ANTXR1: variants seen among roughly 807,000 people sequenced by gnomAD.
The protein encoded by ANTXR1 is ANTXR cell adhesion molecule 1.
In ANTXR1, 19 loss-of-function variants were observed where a neutral mutation model predicts 78.1. That is an observed-to-expected ratio of 0.24 (90% CI 0.17 to 0.36). The LOEUF (loss-of-function observed/expected upper bound fraction) is 0.36, where lower values mean the gene tolerates loss of function less well. Among genes scored for constraint, ANTXR1 ranks in the 10% least tolerant of loss-of-function variants. The probability of loss-of-function intolerance (pLI) is 1.00; values close to 1 mark genes in which losing one functional copy is unlikely to be tolerated. For synonymous variants in ANTXR1, 273 were observed against 260.5 expected, an observed-to-expected ratio of 1.05 and a Z score of -0.46; for missense variants, 518 against 718.6, an observed-to-expected ratio of 0.72 and a Z score of 3.19.
chr2:69,163,242 TG>T (rs993094471), intron 13 of ANTXR1, among the ~76,000 whole-genome samples: 2 of 152,116 alleles, frequency 1.3e-5, no homozygotes, highest in Non-Finnish European at 2.9e-5. Context: ...CTCAGCGTCT[TG>T]TTATTCCTTC....
chr2:69,085,953 T>C (rs1671036010), intron 8 of ANTXR1, among the ~76,000 whole-genome samples: 1 of 152,230 alleles, frequency 6.6e-6, no homozygotes, highest in Non-Finnish European at 1.5e-5. Flanking sequence ...GACACCAGCA[T>C]ACTTCAAACC....
chr2:69,111,076 C>T (rs1671965302), intron 10 of ANTXR1, among the ~76,000 whole-genome samples: 1 of 152,100 alleles, frequency 6.6e-6, no homozygotes, highest in Non-Finnish European at 1.5e-5. Context: ...AGAAAAGAAC[C>T]CACAAAATTG....
intron 17 of ANTXR1, among the ~76,000 whole-genome samples, chr2:69,195,362 C>T (rs999666107): frequency 6.6e-6 from 1 of 151,978 alleles, no homozygotes; most frequent in Non-Finnish European, 1.5e-5. Flanking sequence ...AGAGCAGAGC[C>T]CAATAGACAG....
intron 12 of ANTXR1, among the ~76,000 whole-genome samples, chr2:69,130,572 G>C (rs1307987633): frequency 6.6e-6 from 1 of 152,120 alleles, no homozygotes; most frequent in Non-Finnish European, 1.5e-5. Flanking sequence ...GGGTGATCCT[G>C]GACAGGTTTA....
At chr2:69,105,192 G>A (rs1387640128) in intron 10 of ANTXR1, among the ~76,000 whole-genome samples, 3 of 152,186 alleles carry the variant, frequency 2.0e-5, no homozygotes. Context: ...TCTTTCTTGG[G>A]AAACCAGTCC....
intron 1 of ANTXR1, among the ~76,000 whole-genome samples, chr2:69,019,523 C>T (rs574138253): frequency 6.4e-4 from 98 of 152,074 alleles, no homozygotes; most frequent in African/African-American, 2.3e-3. Flanking sequence ...TCATTTCATA[C>T]TCTAATTTCT....
chr2:69,201,373 AGAG>A (rs1052036558), intron 17 of ANTXR1, among the ~76,000 whole-genome samples: 3 of 152,138 alleles, frequency 2.0e-5, no homozygotes, highest in African/African-American at 7.2e-5. Context: ...AGCAGGGTAC[AGAG>A]GAGGACAGAG....
chr2:69,036,295 C>A (rs1669420416), intron 1 of ANTXR1, among the ~76,000 whole-genome samples: 1 of 152,142 alleles, frequency 6.6e-6, no homozygotes, highest in Non-Finnish European at 1.5e-5. Context: ...TACAGGCATG[C>A]AATGTGAAAT....
chr2:69,101,431 C>T (rs1671616244), intron 9 of ANTXR1, among the ~76,000 whole-genome samples: 1 of 152,196 alleles, frequency 6.6e-6, no homozygotes, highest in Non-Finnish European at 1.5e-5. Context: ...TGATCTTGGA[C>T]ACATTACTTA....
intron 17 of ANTXR1, among the ~76,000 whole-genome samples, chr2:69,228,459 T>C (rs192684704): frequency 7.9e-5 from 12 of 152,336 alleles, no homozygotes; most frequent in African/African-American, 2.4e-4. Context: ...AGAAAGAGCA[T>C]AGAGTCTAAA....
intron 1 of ANTXR1, among the ~76,000 whole-genome samples, chr2:69,014,868 A>C (rs1670975044): frequency 6.6e-6 from 1 of 152,162 alleles, no homozygotes; most frequent in African/African-American, 2.4e-5. Flanking sequence ...TTTGGATGAA[A>C]AGTGAGATTT....
rs59147668 is a variant in ANTXR1 at position 69,151,186 on chromosome 2, C to CTTTTTTTTTTTTTT, written c.952-973_952-960dup. ...CTGTACAAACATATCTGATTATTTTCTTTTTTTTTTTTTTTTTTTTTTTGA... is the reference window on the plus strand; with the variant it reads ...CTGTACAAACATATCTGATTATTTTCTTTTTTTTTTTTTTTTTTTTTTTTTTTTTTTTTTTTTGA... On this transcript the variant is annotated intron_variant, in intron 12 of 17. Transcript: ENST00000303714. Among the ~76,000 whole-genome samples the CTTTTTTTTTTTTTT allele has an allele frequency of 1.3e-4, 11 of 82,562 alleles. 1 individual carries two copies. Among genetic ancestry groups the CTTTTTTTTTTTTTT allele is most frequent in the East Asian group, 3.8e-4 (1 of 2,642 alleles). 54.2% of individuals were successfully genotyped at this position (82,562 alleles called of 152,430 possible). A position where few individuals can be genotyped will look rare whatever the true frequency, so the allele number is the denominator to read the frequency against.
chr2:69,106,280 GAC>G (rs1671806733), intron 10 of ANTXR1, among the ~76,000 whole-genome samples: 1 of 152,138 alleles, frequency 6.6e-6, no homozygotes, highest in Non-Finnish European at 1.5e-5. Flanking sequence ...AGAAATCCAA[GAC>G]AGTTTCTAGA....
intron 12 of ANTXR1, among the ~76,000 whole-genome samples, chr2:69,130,303 A>AC (rs1382811991): frequency 1.4e-5 from 2 of 138,502 alleles, no homozygotes; most frequent in Non-Finnish European, 3.0e-5. Flanking sequence ...ATAAATGAAG[A>AC]CCCCTGTTTT....
intron 17 of ANTXR1, among the ~76,000 whole-genome samples, chr2:69,212,806 C>G (rs72903127): frequency 0.063 from 9,617 of 151,850 alleles, 749 homozygotes; most frequent in East Asian, 0.37. Context: ...TGCATGCCAC[C>G]AAGCCTAGCT....
chr2:69,080,095 TG>T (rs1212060381), intron 8 of ANTXR1, among the ~76,000 whole-genome samples: 11 of 152,362 alleles, frequency 7.2e-5, no homozygotes, highest in South Asian at 2.1e-4. Flanking sequence ...ATAACATTCC[TG>T]TGAGCTTTTA....
intron 17 of ANTXR1, among the ~76,000 whole-genome samples, chr2:69,229,117 T>C (rs1275313349): frequency 6.6e-6 from 1 of 152,038 alleles, no homozygotes; most frequent in Non-Finnish European, 1.5e-5. Flanking sequence ...CAACCCTAAG[T>C]TCCTCCCAAA....
intron 16 of ANTXR1, 128 bp downstream of exon 16, chr2:69,182,788 T>A: frequency 8.2e-7 from 1 of 1,221,550 alleles, no homozygotes; most frequent in Non-Finnish European, 1.2e-6. Context: ...AACAATTATC[T>A]AAAATTATGG....
chr2:69,169,674 T>A (rs1673924450), intron 13 of ANTXR1, among the ~76,000 whole-genome samples: 1 of 152,254 alleles, frequency 6.6e-6, no homozygotes, highest in Non-Finnish European at 1.5e-5. Flanking sequence ...TAAGTGTCAG[T>A]GCCCTGAAAG....
Sources: allele counts gnomAD v4.1 joint callset (sites outside exome capture counted in the v4.1 genomes callset), GRCh38; gene constraint gnomAD v4.1.1; transcripts MANE v1.5; gene names NCBI Gene and HGNC (gene_info 2026-07-23, HGNC 2026-07-21).